POLQ: variants seen among roughly 807,000 people sequenced by gnomAD.
The protein encoded by POLQ is DNA polymerase theta.
A neutral mutation model predicts 259.2 loss-of-function variants in POLQ; 233 were observed. That is an observed-to-expected ratio of 0.90 (90% CI 0.81 to 1.00). The LOEUF (loss-of-function observed/expected upper bound fraction) is 1.00, where lower values mean the gene tolerates loss of function less well. Among genes scored for constraint, POLQ ranks in the 50% least tolerant of loss-of-function variants. The probability of loss-of-function intolerance (pLI) is 0.00; values close to 1 mark genes in which losing one functional copy is unlikely to be tolerated. For synonymous variants in POLQ, 1,025 were observed against 1,048.8 expected (o/e 0.98, Z 0.44); for missense variants, 2,871 against 3,051.6 (o/e 0.94, Z 1.39).
intron 18 of POLQ, 33 bp downstream of exon 18, chr3:121,483,353 T>C (rs2047984957): frequency 8.0e-7 from 1 of 1,254,938 alleles, no homozygotes; most frequent in African/African-American, 1.5e-5. Flanking sequence ...AAATGTTGTT[T>C]TAAGTATATA....
At position 121,520,046 on chromosome 3, in the gene POLQ, G is replaced by A. The variant is rs371311943; in HGVS notation, c.1293C>T (p.Ala431=). The change falls in exon 9 of 30, where the codon GCC becomes GCT. Residue 431 remains alanine, a synonymous_variant. Coordinates refer to ENST00000264233, the MANE Select transcript of POLQ (RefSeq NM_199420.4). ...AGACCCGAATGAGACCTTGACGAAA[G>A]GCTCCTTCAATGATATCCCTCTCCT... ...TFEERDIIEG[A]FRQGLIRVLA... The A allele has an allele frequency of 3.4e-5, 55 of 1,613,486 alleles. No homozygotes were observed. In the African/African-American group the frequency reaches 5.9e-4, roughly 17 times the overall value.
chr3:121,512,984 A>G (rs2048265884), intron 9 of POLQ, among the ~76,000 whole-genome samples: 1 of 152,256 alleles, frequency 6.6e-6, no homozygotes, highest in Non-Finnish European at 1.5e-5. Flanking sequence ...TTAAAGCCAT[A>G]TACAACTATA....
chr3:121,464,389 C>A (rs1052753703), intron 24 of POLQ, among the ~76,000 whole-genome samples: 1 of 151,980 alleles, frequency 6.6e-6, no homozygotes, highest in African/African-American at 2.4e-5. Context: ...ACAACAACAA[C>A]AACAATAATA....
intron 7 of POLQ, among the ~76,000 whole-genome samples, chr3:121,524,045 C>T (rs1398324135): frequency 1.3e-5 from 2 of 152,158 alleles, no homozygotes; most frequent in Non-Finnish European, 2.9e-5. Flanking sequence ...CTTGTCTTTA[C>T]TTTTCTGATA....
chr3:121,525,635 G>A (rs1463012174), intron 7 of POLQ, among the ~76,000 whole-genome samples: 2 of 152,092 alleles, frequency 1.3e-5, no homozygotes, highest in Non-Finnish European at 2.9e-5. Flanking sequence ...ATTTGCTGTC[G>A]TTTCAGTGCC....
rs1354150734 is a variant in POLQ at position 121,439,994 on chromosome 3, G to T, written c.7387C>A (p.His2463Asn). 4 of 1,613,250 alleles carry T rather than the reference G, an allele frequency of 2.5e-6. No homozygotes were observed. Among genetic ancestry groups the T allele is most frequent in the Non-Finnish European group, 3.4e-6 (4 of 1,179,496 alleles). ...IKDNNPYRKA[H>N]AERQAINTIV... is the part of the protein sequence containing the mutation. Reference sequence around the variant, plus strand: ...ATTCCTAAAAAATTTCAACATACGTGAGCTTTACGATAAGGGTTGTTGTCT... The same window carrying T: ...ATTCCTAAAAAATTTCAACATACGTTAGCTTTACGATAAGGGTTGTTGTCT... Residue 2463 changes from histidine to asparagine, a missense_variant and splice_region_variant, in exon 27 of 30, where the codon CAC becomes AAC. Around this residue, in one of 3 missense-constraint regions of POLQ, gnomAD observed 2,080 missense variants for 2,126.0 expected, o/e 0.98. Coordinates refer to ENST00000264233, the MANE Select transcript of POLQ (RefSeq NM_199420.4).
intron 25 of POLQ, among the ~76,000 whole-genome samples, chr3:121,458,436 C>T (rs981421340): frequency 1.3e-5 from 2 of 151,750 alleles, no homozygotes; most frequent in Admixed American, 1.3e-4. Context: ...AGTCGGGTGC[C>T]CAAGTTCTGG....
chr3:121,533,963 G>A (rs376400270), intron 5 of POLQ, among the ~76,000 whole-genome samples: 5 of 128,104 alleles, frequency 3.9e-5, no homozygotes, highest in African/African-American at 9.2e-5. Context: ...TGCAAGCTCC[G>A]TCTCCTGGGT....
chr3:121,468,339 G>A lies in POLQ; in HGVS notation c.6811C>T (p.Gln2271Ter), dbSNP rs1302381084. The A allele has an allele frequency of 6.2e-6, 10 of 1,612,904 alleles. No homozygotes were observed. The Admixed American group carries it at 1.5e-4, about 24-fold the overall frequency. The stretch of plus-strand genomic sequence containing the variant: ...GGAAGTAGGCCTTTGCCTACAGCTT[G>A]AGAAGGTGGGCTTTCTCCTACTAGT... ...PTLVGESPPS[Q>*]AVGKGLLPMG... The change falls in exon 23 of 30, where the codon CAA becomes TAA. Residue 2271 changes from glutamine to a stop codon, truncating the protein, a stop_gained. Transcript: ENST00000264233. LOFTEE classifies it high-confidence loss of function.
chr3:121,467,396 C>G, intron 24 of POLQ, 123 bp downstream of exon 24: 1 of 906,356 alleles, frequency 1.1e-6, no homozygotes, highest in East Asian at 2.6e-5. Flanking sequence ...CAGGCTCCAC[C>G]GTAGACAGAA....
At position 121,514,661 on chromosome 3, in the gene POLQ, A is replaced by G. The variant is rs1424361965; in HGVS notation, c.1469-2632T>C. Among the ~76,000 whole-genome samples the G allele has an allele frequency of 2.6e-5, 4 of 152,108 alleles. No homozygotes were observed. The East Asian group carries it at 7.8e-4, about 30-fold the overall frequency. On this transcript the variant is annotated intron_variant, in intron 9 of 29. Transcript: ENST00000264233. ...GAACATGCTGGGTAACAGCATGGCTAGATCACCTGGGGTCAGGCAGAAACA... is the reference window on the plus strand; with the variant it reads ...GAACATGCTGGGTAACAGCATGGCTGGATCACCTGGGGTCAGGCAGAAACA...
intron 25 of POLQ, among the ~76,000 whole-genome samples, chr3:121,455,197 A>G (rs2108781119): frequency 6.7e-6 from 1 of 148,734 alleles, no homozygotes; most frequent in South Asian, 2.2e-4. Flanking sequence ...GAACAAAGAC[A>G]CAACATACCA....
At chr3:121,524,037 T>C (rs1325382480) in intron 7 of POLQ, among the ~76,000 whole-genome samples, 1 of 152,216 alleles carries the variant, frequency 6.6e-6, no homozygotes, top group East Asian at 1.9e-4. Flanking sequence ...TGTGCTGCCT[T>C]GTCTTTACTT....
intron 16 of POLQ, among the ~76,000 whole-genome samples, chr3:121,486,983 A>C (rs1409917416): frequency 1.3e-5 from 2 of 152,170 alleles, no homozygotes; most frequent in Non-Finnish European, 2.9e-5. Flanking sequence ...CTGGTGATTA[A>C]TAAAAACCAT....
chr3:121,514,168 A>G (rs1489269758), intron 9 of POLQ, among the ~76,000 whole-genome samples: 269 of 119,874 alleles, frequency 2.2e-3, no homozygotes, highest in Middle Eastern at 0.013. Flanking sequence ...ATCTCTACTA[A>G]AAATACAAAA....
In POLQ at chr3:121,483,465, A is replaced by G. The variant is rs146656461; in HGVS notation, c.5891T>C (p.Ile1964Thr). The change falls in exon 18 of 30, where the codon ATC becomes ACC. Residue 1964 changes from isoleucine (I) to threonine (T), a missense_variant. Transcript: ENST00000264233. ...TTTATAGCTCTGGATGAAGTCATAG[A>G]TGACAACAGAACATTCTTTATCAGA... Reference protein sequence around the residue: ...KESDKECSVVIYDFIQSYKIL... With the variant: ...KESDKECSVVTYDFIQSYKIL... 3.1e-6 allele frequency: 5 copies of G among 1,607,238 alleles called. No individual in the cohort carries two copies. The African/African-American group carries it at 5.4e-5, about 17-fold the overall frequency.
chr3:121,437,425 A>G (rs925807550), intron 27 of POLQ, among the ~76,000 whole-genome samples: 4 of 152,216 alleles, frequency 2.6e-5, no homozygotes, highest in Non-Finnish European at 5.9e-5. Context: ...TGGCTAATAC[A>G]CATTTGTAAG....
At chr3:121,436,984 G>A (rs962531359) in intron 27 of POLQ, among the ~76,000 whole-genome samples, 16 of 151,904 alleles carry the variant, frequency 1.1e-4, no homozygotes, top group South Asian at 4.2e-4. Context: ...TATCATTCCC[G>A]GTGCCCCAAA....
chr3:121,462,649 C>A (rs1222318320), intron 24 of POLQ, among the ~76,000 whole-genome samples: 3 of 152,196 alleles, frequency 2.0e-5, no homozygotes, highest in African/African-American at 7.2e-5. Flanking sequence ...TACTGCATAG[C>A]TTTCAGCTGA....
Sources: allele counts gnomAD v4.1 joint callset (sites outside exome capture counted in the v4.1 genomes callset), GRCh38; gene constraint gnomAD v4.1.1; regional missense constraint gnomAD v4.1.1; transcripts MANE v1.5; gene names NCBI Gene and HGNC (gene_info 2026-07-23, HGNC 2026-07-21).